Variants in TIA1 observed in about 807,000 individuals in gnomAD.
TIA1 encodes cytotoxic granule associated RNA binding protein TIA1.
In TIA1, 23 loss-of-function variants were observed where a neutral mutation model predicts 65.9. That is an observed-to-expected ratio of 0.35 (90% CI 0.25 to 0.49). The LOEUF (loss-of-function observed/expected upper bound fraction) is 0.49. Ranked by LOEUF, TIA1 falls within the 20% of genes least tolerant of loss-of-function variation. The pLI is 0.98. For synonymous variants in TIA1, 147 were observed against 149.4 expected (o/e 0.98, Z 0.12); for missense variants, 371 against 477.9 (o/e 0.78, Z 2.09).
intron 7 of TIA1, among the ~76,000 whole-genome samples, chr2:70,218,722 C>T (rs963528845): frequency 9.9e-5 from 15 of 152,204 alleles, no homozygotes; most frequent in Non-Finnish European, 1.3e-4. Flanking sequence ...CGTGAGCCAC[C>T]GCACCCGGCA....
chr2:70,210,021 G>A lies in TIA1; in HGVS notation c.*2698C>T. 3.5e-6 allele frequency: 1 copy of A among 284,436 alleles called. No homozygotes were observed. The highest frequency in any genetic ancestry group is 5.8e-5 in the East Asian group (1 of 17,300). The allele number at this position is 284,436 out of a possible 1,614,324, so 17.6% of individuals were successfully genotyped here. On this transcript the variant is annotated 3_prime_UTR_variant, in exon 13 of 13. Transcript: ENST00000433529. Reference sequence around the variant, plus strand: ...TATCAGCAAGGAAAATGAGACCCTGGTTTCATAATTAATTAAATCTGCAGA... The same window carrying A: ...TATCAGCAAGGAAAATGAGACCCTGATTTCATAATTAATTAAATCTGCAGA...
At chr2:70,245,953 C>T (rs1235760682) in intron 1 of TIA1, among the ~76,000 whole-genome samples, 1 of 143,904 alleles carries the variant, frequency 6.9e-6, no homozygotes, top group Non-Finnish European at 1.5e-5. Context: ...GATGGAGCCT[C>T]CCTCCTGTTG....
chr2:70,229,197 T>C (rs745407164), intron 4 of TIA1, 67 bp downstream of exon 4: 4 of 1,596,782 alleles, frequency 2.5e-6, no homozygotes, highest in South Asian at 1.1e-5. Context: ...ATGATGTTTA[T>C]AGGCTTTACA....
intron 1 of TIA1, among the ~76,000 whole-genome samples, chr2:70,236,456 C>G (rs1688990356): frequency 6.6e-6 from 1 of 152,014 alleles, no homozygotes; most frequent in African/African-American, 2.4e-5. Context: ...GCTTCAGCCT[C>G]CCAAAGTGCT....
At chr2:70,224,000 C>T (rs1009306133) in intron 7 of TIA1, among the ~76,000 whole-genome samples, 1 of 152,034 alleles carries the variant, frequency 6.6e-6, no homozygotes. Flanking sequence ...TCACTGCAAC[C>T]TGTGCCTCCT....
intron 7 of TIA1, among the ~76,000 whole-genome samples, chr2:70,221,097 C>T (rs964060549): frequency 6.6e-6 from 1 of 152,122 alleles, no homozygotes; most frequent in Admixed American, 6.5e-5. Flanking sequence ...ACCTTTGCCT[C>T]CCAGGTTCAA....
At chr2:70,242,644 G>A (rs1353309445) in intron 1 of TIA1, among the ~76,000 whole-genome samples, 1 of 151,886 alleles carries the variant, frequency 6.6e-6, no homozygotes, top group Non-Finnish European at 1.5e-5. Context: ...TCTAGAACAG[G>A]GGTCCCCAAC....
intron 6 of TIA1, among the ~76,000 whole-genome samples, chr2:70,227,060 A>G (rs1427983118): frequency 6.6e-6 from 1 of 152,178 alleles, no homozygotes; most frequent in Admixed American, 6.5e-5. Flanking sequence ...GAAGTTTTCT[A>G]AGCTAATTAC....
At chr2:70,245,536 A>C (rs900137637) in intron 1 of TIA1, among the ~76,000 whole-genome samples, 1 of 152,218 alleles carries the variant, frequency 6.6e-6, no homozygotes, top group Non-Finnish European at 1.5e-5. Context: ...ACCAAGGCCA[A>C]TTCAGACTCA....
chr2:70,246,405 A>G (rs1193318737), intron 1 of TIA1, among the ~76,000 whole-genome samples: 1 of 152,228 alleles, frequency 6.6e-6, no homozygotes, highest in Non-Finnish European at 1.5e-5. Flanking sequence ...CACTATTAGG[A>G]AAACTTAGGG....
intron 1 of TIA1, among the ~76,000 whole-genome samples, chr2:70,246,160 G>A (rs960946332): frequency 2.0e-5 from 3 of 152,182 alleles, no homozygotes; most frequent in Admixed American, 1.3e-4. Flanking sequence ...CTGCCCTCAA[G>A]TGATCCACCC....
chr2:70,214,482 C>T lies in TIA1; in HGVS notation c.901G>A (p.Gly301Arg), dbSNP rs1677686415. 6.2e-7 allele frequency: 1 copy of T among 1,609,848 alleles called. No homozygotes were observed. Among genetic ancestry groups the T allele is most frequent in the Non-Finnish European group, 8.5e-7 (1 of 1,178,786 alleles). ...INPVQQQNQI[G>R]YPQPYGQWGQ... ...CACTGGCCATAAGGTTGGGGATATC[C>T]AATTTGATTCTGCTATTAAATAAAA... The change falls in exon 12 of 13, where the codon GGA (glycine) becomes AGA (arginine). Residue 301 changes from glycine to arginine, a missense_variant. Gly to Arg is a moderately radical substitution (Grantham distance 125, BLOSUM62 -2). Coordinates refer to ENST00000433529, the MANE Select transcript of TIA1 (RefSeq NM_022173.4).
At chr2:70,248,368 C>G in intron 1 of TIA1, 37 bp downstream of exon 1, 1 of 1,595,298 alleles carries the variant, frequency 6.3e-7, no homozygotes, top group Non-Finnish European at 8.5e-7. Context: ...CCGGGACGAC[C>G]ACCATCCCGC....
chr2:70,217,088 ATGT>A (rs1273715716), intron 7 of TIA1, 94 bp from the exon 8 acceptor site: 3 of 1,307,380 alleles, frequency 2.3e-6, no homozygotes, highest in Non-Finnish European at 3.1e-6. Flanking sequence ...CTTTTCACAA[ATGT>A]TTAAGTGAAA....
intron 1 of TIA1, among the ~76,000 whole-genome samples, chr2:70,245,530 AG>A (rs1693896908): frequency 6.6e-6 from 1 of 152,206 alleles, no homozygotes. Context: ...AAAGTAACCA[AG>A]GCCAATTCAG....
Position 70,235,303 on chromosome 2 carries a change from T to C in TIA1, c.123+776A>G, listed in dbSNP as rs144898072. ...AGTGGCGCATGCCTGTAATCCCAGC[T>C]ACTTGGGAGGCTGAGCCAGAAGAAT... On this transcript the variant is annotated intron_variant, in intron 2 of 12. Transcript: ENST00000433529. Among the ~76,000 whole-genome samples, 1,380 of 152,016 alleles carry C rather than the reference T, an allele frequency of 9.1e-3. 24 individuals are homozygous for C. Among genetic ancestry groups the C allele is most frequent in the African/African-American group, 0.031 (1,293 of 41,446 alleles).
In TIA1 at chr2:70,220,342, A is replaced by G. The variant is rs111614164; in HGVS notation, c.475-3348T>C. ...AAAGATCACCTAAGCCTGGGAGGTC[A>G]AGGCTGCAGTGAGTTGTGATTGTGC... is the stretch of plus-strand genomic sequence containing the variant. On this transcript the variant is annotated intron_variant, in intron 7 of 12. Coordinates refer to ENST00000433529, the MANE Select transcript of TIA1 (RefSeq NM_022173.4). Among the ~76,000 whole-genome samples, 887 of 152,244 alleles carry G rather than the reference A, an allele frequency of 5.8e-3. 11 individuals are homozygous for G. Among genetic ancestry groups the G allele is most frequent in the African/African-American group, 0.02 (851 of 41,536 alleles).
At position 70,212,734 on chromosome 2, in the gene TIA1, C is replaced by T; in HGVS notation, c.1146G>A (p.Gly382=). The T allele has an allele frequency of 6.2e-7, 1 of 1,612,516 alleles. No individual in the cohort carries two copies. Among genetic ancestry groups the T allele is most frequent in the Admixed American group, 1.7e-5 (1 of 60,014 alleles). Reference sequence around the variant, plus strand: ...GAGTCCTTATTCACTGGGTTTCATACCCTGCCACTCGATACCCAGAAGGCT... The same window carrying T: ...GAGTCCTTATTCACTGGGTTTCATATCCTGCCACTCGATACCCAGAAGGCT... ...PNQPSGYRVA[G]YETQ is the part of the protein sequence containing the mutation. The change falls in exon 13 of 13, where the codon GGG becomes GGA. Residue 382 remains glycine, a synonymous_variant. Coordinates refer to ENST00000433529, the MANE Select transcript of TIA1 (RefSeq NM_022173.4).
At chr2:70,223,081 T>C (rs575241962) in intron 7 of TIA1, among the ~76,000 whole-genome samples, 9 of 152,334 alleles carry the variant, frequency 5.9e-5, no homozygotes, top group Admixed American at 2.6e-4. Context: ...GTGATTTTTA[T>C]ATAGCAGAAC....
Sources: allele counts gnomAD v4.1 joint callset (sites outside exome capture counted in the v4.1 genomes callset), GRCh38; gene constraint gnomAD v4.1.1; transcripts MANE v1.5; gene names NCBI Gene and HGNC (gene_info 2026-07-23, HGNC 2026-07-21).